Variants in MBD5 observed in about 807,000 individuals in gnomAD.
MBD5 encodes the protein methyl-CpG binding domain protein 5.
A neutral mutation model predicts 117.3 loss-of-function variants in MBD5; 13 were observed. That is an observed-to-expected ratio of 0.11 (90% CI 0.07 to 0.18). The LOEUF (loss-of-function observed/expected upper bound fraction) is 0.18, where lower values mean the gene tolerates loss of function less well. MBD5 is among the 10% of genes least tolerant of loss of function. MBD5 has a pLI of 1.00. For synonymous variants in MBD5, 727 were observed against 766.4 expected, an observed-to-expected ratio of 0.95 and a Z score of 0.85; for missense variants, 1,879 against 2,093.8, an observed-to-expected ratio of 0.90 and a Z score of 2.00.
intron 4 of MBD5, among the ~76,000 whole-genome samples, chr2:148,456,988 TGTAGTTAA>T (rs1163649770): frequency 6.6e-6 from 1 of 152,196 alleles, no homozygotes; most frequent in Non-Finnish European, 1.5e-5. Context: ...CTTTTAGGAA[TGTAGTTAA>T]GTAGTTATGT....
chr2:148,243,010 T>C (rs1700250246), intron 3 of MBD5, among the ~76,000 whole-genome samples: 1 of 152,174 alleles, frequency 6.6e-6, no homozygotes, highest in Admixed American at 6.5e-5. Flanking sequence ...TCTGTAAGCA[T>C]TATTACAGTT....
intron 3 of MBD5, among the ~76,000 whole-genome samples, chr2:148,330,033 A>ACCCCCCCCC (rs56712549): frequency 2.8e-4 from 5 of 17,690 alleles, no homozygotes; most frequent in Non-Finnish European, 5.3e-4. Flanking sequence ...GTAGGTAAGA[A>ACCCCCCCCC]CCCCCCCCCG....
chr2:148,103,986 A>G (rs2105314191), intron 1 of MBD5, among the ~76,000 whole-genome samples: 1 of 152,238 alleles, frequency 6.6e-6, no homozygotes, highest in South Asian at 2.1e-4. Flanking sequence ...TGAGAATATG[A>G]GATTTTGCAG....
intron 3 of MBD5, among the ~76,000 whole-genome samples, chr2:148,319,676 A>G (rs969317004): frequency 6.6e-6 from 1 of 152,192 alleles, no homozygotes. Context: ...AATTTGCTAG[A>G]TATAAGATCA....
intron 1 of MBD5, among the ~76,000 whole-genome samples, chr2:148,163,601 G>A (rs1014250103): frequency 2.0e-5 from 3 of 152,058 alleles, no homozygotes; most frequent in Non-Finnish European, 2.9e-5. Flanking sequence ...TTGTAGTACA[G>A]ATGGGGTTTC....
At chr2:148,201,986 G>T (rs910671336) in intron 2 of MBD5, among the ~76,000 whole-genome samples, 1 of 152,146 alleles carries the variant, frequency 6.6e-6, no homozygotes, top group African/African-American at 2.4e-5. Context: ...TTCTCAGTCC[G>T]GTCCTTGGAT....
At chr2:148,353,019 C>A (rs1158699843) in intron 4 of MBD5, among the ~76,000 whole-genome samples, 2 of 151,924 alleles carry the variant, frequency 1.3e-5, no homozygotes, top group Non-Finnish European at 2.9e-5. Flanking sequence ...TTCCATGATA[C>A]TATTCACAAT....
chr2:148,319,423 GAT>G (rs1702231922), intron 3 of MBD5, among the ~76,000 whole-genome samples: 1 of 152,030 alleles, frequency 6.6e-6, no homozygotes, highest in Non-Finnish European at 1.5e-5. Flanking sequence ...TGTCATCAAA[GAT>G]TTTTTCATCA....
chr2:148,369,209 T>G (rs1703785797), intron 4 of MBD5, among the ~76,000 whole-genome samples: 1 of 151,804 alleles, frequency 6.6e-6, no homozygotes, highest in South Asian at 2.1e-4. Flanking sequence ...TGGTTCCATT[T>G]TTCAAAAAAC....
chr2:148,102,743 G>GAA, intron 1 of MBD5, among the ~76,000 whole-genome samples: 1 of 119,844 alleles, frequency 8.3e-6, no homozygotes, highest in South Asian at 3.1e-4. Flanking sequence ...GAGAGAGAGA[G>GAA]AGAGAGAGAG....
intron 3 of MBD5, among the ~76,000 whole-genome samples, chr2:148,254,801 G>A (rs960043320): frequency 6.6e-6 from 1 of 152,186 alleles, no homozygotes; most frequent in African/African-American, 2.4e-5. Flanking sequence ...TTACCACAGT[G>A]TTGCTCTATG....
At chr2:148,302,439 A>T (rs1701794238) in intron 3 of MBD5, among the ~76,000 whole-genome samples, 1 of 152,200 alleles carries the variant, frequency 6.6e-6, no homozygotes, top group Admixed American at 6.5e-5. Context: ...AACAGGCTAG[A>T]GCAATATTTT....
intron 4 of MBD5, among the ~76,000 whole-genome samples, chr2:148,434,335 G>A (rs571699609): frequency 8.6e-4 from 131 of 151,924 alleles, no homozygotes; most frequent in African/African-American, 3.0e-3. Context: ...TTCTGGATTC[G>A]TTCGTATTTT....
At chr2:148,248,655 A>G (rs1003085865) in intron 3 of MBD5, among the ~76,000 whole-genome samples, 8 of 152,130 alleles carry the variant, frequency 5.3e-5, no homozygotes, top group African/African-American at 1.9e-4. Context: ...TCTGTTTAAT[A>G]AAGAAATATG....
chr2:148,510,220 TCAAA>T (rs1682176706), intron 13 of MBD5, 85 bp downstream of exon 13: 1 of 940,222 alleles, frequency 1.1e-6, no homozygotes, highest in Non-Finnish European at 1.7e-6. Flanking sequence ...TTGAGTATTG[TCAAA>T]CAACTCACAT....
intron 4 of MBD5, among the ~76,000 whole-genome samples, chr2:148,403,066 T>G (rs1213086696): frequency 6.6e-6 from 1 of 152,226 alleles, no homozygotes; most frequent in Non-Finnish European, 1.5e-5. Flanking sequence ...TGTATTTTTA[T>G]CTCAGACACA....
chr2:148,307,781 TC>T (rs1018636320), intron 3 of MBD5, among the ~76,000 whole-genome samples: 3 of 152,092 alleles, frequency 2.0e-5, no homozygotes, highest in Admixed American at 2.0e-4. Flanking sequence ...CCTAATGCTA[TC>T]CCTCCCCTAG....
chr2:148,459,182 G>C (rs1706981353), intron 5 of MBD5, among the ~76,000 whole-genome samples: 2 of 152,138 alleles, frequency 1.3e-5, no homozygotes, highest in Admixed American at 1.3e-4. Flanking sequence ...CACTTGACCT[G>C]ATATCACTTG....
intron 1 of MBD5, among the ~76,000 whole-genome samples, chr2:148,103,534 G>A (rs1696286490): frequency 6.6e-6 from 1 of 152,084 alleles, no homozygotes; most frequent in Non-Finnish European, 1.5e-5. Flanking sequence ...TTGATGTTGC[G>A]ATACATGCTA....
Sources: gnomAD v4.1 joint callset for allele counts (sites outside exome capture counted in the v4.1 genomes callset) on GRCh38, gnomAD v4.1.1 for gene constraint, MANE v1.5 for transcripts, NCBI Gene and HGNC (gene_info 2026-07-23, HGNC 2026-07-21) for gene names.